The following MAGI2 variants were observed in gnomAD, a reference collection of about 807,000 sequenced individuals.
MAGI2 encodes the protein membrane-associated guanylate kinase, WW and PDZ domain-containing protein 2.
A neutral mutation model predicts 133.3 loss-of-function variants in MAGI2; 35 were observed. The observed-to-expected ratio is 0.26, with a 90% CI of 0.20 to 0.35. MAGI2 has a LOEUF of 0.35. Among genes scored for constraint, MAGI2 ranks in the 10% least tolerant of loss-of-function variants. MAGI2 has a pLI of 1.00. For synonymous variants in MAGI2, 729 were observed against 710.6 expected (o/e 1.03, Z -0.41); for missense variants, 1,636 against 1,863.4 (o/e 0.88, Z 2.25).
chr7:78,235,747 T>G (rs1209679798), intron 10 of MAGI2, among the ~76,000 whole-genome samples: 1 of 135,488 alleles, frequency 7.4e-6, no homozygotes, highest in Non-Finnish European at 1.7e-5. Flanking sequence ...AGACTAATAC[T>G]CTATTTTTTT....
chr7:78,905,716 A>T (rs1366952013), intron 2 of MAGI2, among the ~76,000 whole-genome samples: 2 of 152,122 alleles, frequency 1.3e-5, no homozygotes, highest in Non-Finnish European at 2.9e-5. Context: ...ATGAGCAATA[A>T]ATCTCCTCTA....
chr7:78,055,557 A>G (rs1328233581), intron 21 of MAGI2, among the ~76,000 whole-genome samples: 1 of 152,170 alleles, frequency 6.6e-6, no homozygotes, highest in African/African-American at 2.4e-5. Flanking sequence ...GAGGTGGGGT[A>G]CAAAGGAATA....
rs562995300 is a variant in MAGI2, at chr7:79,019,555, C to CT, written c.302-12350dup. Among the ~76,000 whole-genome samples the CT allele has an allele frequency of 2.7e-3, 403 of 150,480 alleles. 1 individual carries two copies. The highest frequency in any genetic ancestry group is 6.8e-3 in the Middle Eastern group (2 of 292). ...TTTTTCTGTTTTTCTTTTTTTCTTT[C>CT]TTTTTTTTTGAGATGGAGTCTTGCT... On this transcript the variant is annotated intron_variant, in intron 1 of 21. Coordinates refer to ENST00000354212, the MANE Select transcript of MAGI2 (RefSeq NM_012301.4).
intron 2 of MAGI2, among the ~76,000 whole-genome samples, chr7:78,694,947 C>T (rs1279434286): frequency 2.0e-5 from 3 of 152,088 alleles, no homozygotes; most frequent in African/African-American, 7.2e-5. Context: ...TCTCCTGGTC[C>T]AGGCGTGGTG....
chr7:78,536,739 T>C lies in MAGI2; in HGVS notation c.539-15094A>G, dbSNP rs1002289971. On this transcript the variant is annotated intron_variant, in intron 3 of 21. Coordinates refer to ENST00000354212, the MANE Select transcript of MAGI2 (RefSeq NM_012301.4). Reference sequence around the variant, plus strand: ...TTCTTTTTAAAAAATTTCAATAGTTTTTTTTTTGTTTTTGTTGTTGTTTTT... The same window carrying C: ...TTCTTTTTAAAAAATTTCAATAGTTCTTTTTTTGTTTTTGTTGTTGTTTTT... Among the ~76,000 whole-genome samples, 10 of 140,386 alleles carry C rather than the reference T, an allele frequency of 7.1e-5. No individual in the cohort carries two copies. In the South Asian group the frequency reaches 2.3e-3, roughly 32 times the overall value. The allele number at this position is 140,386 out of a possible 152,430, so 92.1% of individuals were successfully genotyped here. A position where few individuals can be genotyped will look rare whatever the true frequency, so the allele number is the denominator to read the frequency against.
intron 1 of MAGI2, among the ~76,000 whole-genome samples, chr7:79,062,952 T>G (rs538280213): frequency 2.6e-4 from 39 of 152,130 alleles, no homozygotes; most frequent in Non-Finnish European, 4.7e-4. Context: ...GATTCAACTA[T>G]TTTTTTGCTT....
At chr7:78,878,641 G>A (rs1373238906) in intron 2 of MAGI2, among the ~76,000 whole-genome samples, 1 of 152,096 alleles carries the variant, frequency 6.6e-6, no homozygotes, top group Non-Finnish European at 1.5e-5. Context: ...TCCAATCAAA[G>A]TACTGTTATG....
At chr7:78,396,798 G>A (rs996403195) in intron 6 of MAGI2, among the ~76,000 whole-genome samples, 1 of 152,092 alleles carries the variant, frequency 6.6e-6, no homozygotes, top group African/African-American at 2.4e-5. Context: ...ATGTCTGAAA[G>A]GATCATGGCA....
At chr7:78,430,418 C>T (rs1446648234) in intron 6 of MAGI2, among the ~76,000 whole-genome samples, 1 of 151,674 alleles carries the variant, frequency 6.6e-6, no homozygotes, top group African/African-American at 2.4e-5. Context: ...CCTTAGATGT[C>T]TGAGTGCAGT....
At chr7:79,125,225 A>G in intron 1 of MAGI2, 1 of 397,856 alleles carries the variant, frequency 2.5e-6, no homozygotes, top group Non-Finnish European at 4.9e-6. Flanking sequence ...ACTGTCATTC[A>G]GAAATATACC....
chr7:78,109,450 G>T (rs1172726787), intron 20 of MAGI2, among the ~76,000 whole-genome samples: 1 of 150,432 alleles, frequency 6.6e-6, no homozygotes, highest in Non-Finnish European at 1.5e-5. Flanking sequence ...GGCTAAAATG[G>T]TGAAACCCTG....
intron 2 of MAGI2, among the ~76,000 whole-genome samples, chr7:78,661,416 G>A (rs533833993): frequency 6.6e-5 from 10 of 152,002 alleles, no homozygotes; most frequent in Non-Finnish European, 1.5e-4. Context: ...AACTCTTCAG[G>A]TCCCTAACTC....
At chr7:78,807,486 C>T (rs542233180) in intron 2 of MAGI2, among the ~76,000 whole-genome samples, 118 of 152,188 alleles carry the variant, frequency 7.8e-4, no homozygotes, top group African/African-American at 2.6e-3. Context: ...TATCACATGT[C>T]ATATAGCCCC....
At position 79,272,761 on chromosome 7, in the gene MAGI2, A is replaced by G. The variant is rs568847829; in HGVS notation, c.301+180259T>C. Among the ~76,000 whole-genome samples, 13 of 152,186 alleles carry G rather than the reference A, an allele frequency of 8.5e-5. No individual in the cohort carries two copies. The South Asian group carries it at 2.7e-3, about 31-fold the overall frequency. ...AATACCATAGTACTCTATGACTTAA[A>G]CAAAACATAGAGTTTTAGTTCAGAC... On this transcript the variant is annotated intron_variant, in intron 1 of 21. Coordinates refer to ENST00000354212, the MANE Select transcript of MAGI2 (RefSeq NM_012301.4).
intron 1 of MAGI2, among the ~76,000 whole-genome samples, chr7:79,393,443 C>A (rs898298799): frequency 6.6e-6 from 1 of 152,078 alleles, no homozygotes; most frequent in Admixed American, 6.6e-5. Context: ...AATTAGAACT[C>A]TATAACATTT....
chr7:78,887,034 T>C (rs1032864664), intron 2 of MAGI2, among the ~76,000 whole-genome samples: 1 of 152,144 alleles, frequency 6.6e-6, no homozygotes, highest in Non-Finnish European at 1.5e-5. Context: ...AACATGTTTG[T>C]TTCCCCTTCA....
At chr7:78,864,413 C>T (rs1178296776) in intron 2 of MAGI2, among the ~76,000 whole-genome samples, 1 of 152,146 alleles carries the variant, frequency 6.6e-6, no homozygotes, top group Non-Finnish European at 1.5e-5. Flanking sequence ...ATATATATTG[C>T]CAAGCTAGAA....
chr7:78,751,331 C>G (rs1823437285), intron 2 of MAGI2, among the ~76,000 whole-genome samples: 1 of 152,098 alleles, frequency 6.6e-6, no homozygotes, highest in Admixed American at 6.5e-5. Context: ...ATCCATGAAA[C>G]TTTCACATTA....
chr7:78,029,232 A>C (rs554140386), intron 21 of MAGI2, among the ~76,000 whole-genome samples: 1 of 152,282 alleles, frequency 6.6e-6, no homozygotes, highest in East Asian at 1.9e-4. Flanking sequence ...CAGGTTAGGA[A>C]ACTCAGGTCT....
Sources: gnomAD v4.1 joint callset for allele counts (sites outside exome capture counted in the v4.1 genomes callset) on GRCh38, gnomAD v4.1.1 for gene constraint, MANE v1.5 for transcripts, NCBI Gene and HGNC (gene_info 2026-07-23, HGNC 2026-07-21) for gene names.